The following SLC5A8 variants were observed in gnomAD, a reference collection of about 807,000 sequenced individuals.
SLC5A8 encodes the protein sodium-coupled monocarboxylate transporter 1.
A neutral mutation model predicts 71.9 loss-of-function variants in SLC5A8; 55 were observed. The ratio of observed to expected loss-of-function variants is 0.77; its 90% CI spans 0.62 to 0.96. SLC5A8 has a LOEUF of 0.96. Among genes scored for constraint, SLC5A8 ranks in the 40% least tolerant of loss-of-function variants. The pLI, the probability that SLC5A8 is intolerant of heterozygous loss-of-function variation, is 0.00. For synonymous variants in SLC5A8, 307 were observed against 276.1 expected (o/e 1.11, Z -1.11); for missense variants, 701 against 745.3 (o/e 0.94, Z 0.69).
At position 101,166,575 on chromosome 12, in the gene SLC5A8, C is replaced by A. The variant is rs144331635; in HGVS notation, c.1445G>T (p.Ser482Ile). The A allele has an allele frequency of 6.2e-7, 1 of 1,613,910 alleles. No homozygotes were observed. Among genetic ancestry groups the A allele is most frequent in the African/African-American group, 1.3e-5 (1 of 74,938 alleles). ...PLHLDIQGCN[S>I]TYNETNLMTT... Reference sequence around the variant, plus strand: ...CATCAAATTTGTCTCATTGTAGGTGCTGTTACAGCCTTGGATATCAAGGTG... The same window carrying A: ...CATCAAATTTGTCTCATTGTAGGTGATGTTACAGCCTTGGATATCAAGGTG... The change falls in exon 12 of 15, where the codon AGC becomes ATC. Residue 482 changes from serine to isoleucine, a missense_variant. By Grantham distance (142) the Ser-to-Ile change is moderately radical. Transcript: ENST00000536262.
intron 7 of SLC5A8, among the ~76,000 whole-genome samples, chr12:101,184,843 G>A (rs1868553994): frequency 1.3e-5 from 2 of 152,142 alleles, no homozygotes; most frequent in African/African-American, 2.4e-5. Flanking sequence ...ATACTAACTT[G>A]CTTTTTGATA....
At chr12:101,195,695 CTT>C (rs11338261) in intron 3 of SLC5A8, among the ~76,000 whole-genome samples, 1,969 of 97,374 alleles carry the variant, frequency 0.02, 9 homozygotes, top group African/African-American at 0.029. Flanking sequence ...ATGGTAATTC[CTT>C]TTTTTTTTTT....
At chr12:101,190,412 T>C (rs936458640) in intron 6 of SLC5A8, 56 bp downstream of exon 6, 2 of 1,563,016 alleles carry the variant, frequency 1.3e-6, no homozygotes, top group Non-Finnish European at 1.7e-6. Context: ...TGAAAGAGTT[T>C]CCATAAAGAC....
At chr12:101,187,318 C>G (rs754162394) in intron 7 of SLC5A8, 68 bp downstream of exon 7, 48 of 1,488,282 alleles carry the variant, frequency 3.2e-5, no homozygotes, top group Non-Finnish European at 4.1e-5. Context: ...TATGAATGCT[C>G]TTTCCTCTCA....
intron 3 of SLC5A8, among the ~76,000 whole-genome samples, chr12:101,199,538 T>C (rs1869345918): frequency 6.6e-6 from 1 of 151,992 alleles, no homozygotes; most frequent in Admixed American, 6.6e-5. Context: ...AGCTAAGCCA[T>C]AATAGTCTAA....
intron 2 of SLC5A8, 71 bp downstream of exon 2, chr12:101,204,429 A>G: frequency 7.7e-7 from 1 of 1,299,288 alleles, no homozygotes; most frequent in Non-Finnish European, 1.1e-6. Context: ...TTCCCAGGTA[A>G]GCTTAATCCA....
intron 3 of SLC5A8, among the ~76,000 whole-genome samples, chr12:101,200,942 G>A (rs1314838233): frequency 6.6e-6 from 1 of 152,132 alleles, no homozygotes. Flanking sequence ...TAAGTTCTGT[G>A]TCTATGCCTG....
In SLC5A8 at chr12:101,187,508, A is replaced by C; in HGVS notation, c.841T>G (p.Tyr281Asp). Residue 281 changes from tyrosine (Y) to aspartate (D), a missense_variant, in exon 7 of 15, where the codon TAC (tyrosine) becomes GAC (aspartate). Coordinates refer to ENST00000536262, the MANE Select transcript of SLC5A8 (RefSeq NM_145913.5). ...KSRFQAKLSL[Y>D]INLVGLWAIL... ...GCCCAGAGTCCCACAAGATTGATGT[A>C]GAGAGACCTAAAGAAGTGAAAACAA... is the stretch of plus-strand genomic sequence containing the variant. 6.2e-7 allele frequency: 1 copy of C among 1,609,660 alleles called. No homozygotes were observed. Among genetic ancestry groups the C allele is most frequent in the Non-Finnish European group, 8.5e-7 (1 of 1,178,770 alleles).
intron 3 of SLC5A8, among the ~76,000 whole-genome samples, chr12:101,195,529 C>T (rs1440051098): frequency 3.3e-5 from 5 of 151,974 alleles, no homozygotes; most frequent in African/African-American, 9.7e-5. Flanking sequence ...GTTGCAAATA[C>T]CTGAATTTGA....
chr12:101,192,972 T>C (rs1480669556), intron 5 of SLC5A8, among the ~76,000 whole-genome samples: 8 of 39,392 alleles, frequency 2.0e-4, no homozygotes, highest in African/African-American at 1.3e-3. Context: ...ACCTTTTCTC[T>C]TTTTTTTTTT....
intron 1 of SLC5A8, among the ~76,000 whole-genome samples, chr12:101,207,192 G>A (rs540120665): frequency 6.6e-6 from 1 of 152,170 alleles, no homozygotes; most frequent in Non-Finnish European, 1.5e-5. Flanking sequence ...ACAACTTCAC[G>A]TGTCCTATAT....
At chr12:101,185,895 A>G (rs1051699849) in intron 7 of SLC5A8, among the ~76,000 whole-genome samples, 11 of 152,116 alleles carry the variant, frequency 7.2e-5, no homozygotes, top group African/African-American at 2.4e-5. Context: ...AGGTTTTGAC[A>G]CGATCTTCCA....
At chr12:101,166,828 C>T (rs919195281) in intron 11 of SLC5A8, 129 bp from the exon 12 acceptor site, 11 of 755,302 alleles carry the variant, frequency 1.5e-5, no homozygotes, top group Admixed American at 3.0e-5. Context: ...ATTCAACGCT[C>T]TCTCCTCCCA....
intron 10 of SLC5A8, among the ~76,000 whole-genome samples, chr12:101,178,822 T>C (rs1318539907): frequency 6.8e-6 from 1 of 146,968 alleles, no homozygotes; most frequent in Non-Finnish European, 1.5e-5. Context: ...TTATCCAAAC[T>C]AAAAAAAAAA....
intron 9 of SLC5A8, 109 bp downstream of exon 9, chr12:101,182,694 C>T: frequency 1.5e-6 from 1 of 674,540 alleles, no homozygotes; most frequent in Non-Finnish European, 2.5e-6. Context: ...TGTGGATATC[C>T]AGTCATATTC....
chr12:101,209,770 C>T lies in SLC5A8; in HGVS notation c.79G>A (p.Ala27Thr), dbSNP rs756354639. ...VFAGMLVISA[A>T]IGIYYAFAGG... ...GCGAAGGCGTAGTAGATGCCGATGG[C>T]GGCCGAGATGACCAGCATGCCCGCG... is the stretch of plus-strand genomic sequence containing the variant. Residue 27 changes from alanine to threonine, a missense_variant, in exon 1 of 15, where the codon GCC becomes ACC. By Grantham distance (58) the Ala-to-Thr change is moderately conservative. Coordinates refer to ENST00000536262, the MANE Select transcript of SLC5A8 (RefSeq NM_145913.5). The T allele has an allele frequency of 6.2e-7, 1 of 1,610,504 alleles. No homozygotes were observed. The highest frequency in any genetic ancestry group is 1.3e-5 in the African/African-American group (1 of 75,012).
intron 10 of SLC5A8, among the ~76,000 whole-genome samples, chr12:101,174,884 A>C (rs1003427434): frequency 2.6e-5 from 4 of 152,218 alleles, no homozygotes; most frequent in Non-Finnish European, 4.4e-5. Flanking sequence ...AAGTTTCATC[A>C]CATAATATTG....
chr12:101,162,111 T>C (rs112258181), intron 12 of SLC5A8, 34 bp from the exon 13 acceptor site: 3 of 1,436,974 alleles, frequency 2.1e-6, no homozygotes, highest in South Asian at 1.1e-5. Context: ...TAAGATTTCA[T>C]GTAATGCCAC....
intron 10 of SLC5A8, 90 bp downstream of exon 10, chr12:101,179,939 A>T: frequency 7.4e-7 from 1 of 1,347,396 alleles, no homozygotes; most frequent in Non-Finnish European, 1.1e-6. Flanking sequence ...GTGTCGATAT[A>T]TATCGAGAGA....
Sources: gnomAD v4.1 joint callset for allele counts (sites outside exome capture counted in the v4.1 genomes callset) on GRCh38, gnomAD v4.1.1 for gene constraint, MANE v1.5 for transcripts, NCBI Gene and HGNC (gene_info 2026-07-23, HGNC 2026-07-21) for gene names.